CLMN: variants seen among roughly 807,000 people sequenced by gnomAD.
CLMN encodes the protein calmin.
Under a neutral mutation model 92.7 loss-of-function variants are expected in CLMN, and 57 were observed. The observed-to-expected ratio is 0.61, with a 90% CI of 0.50 to 0.77. The LOEUF is 0.77. Ranked by LOEUF, CLMN falls within the 30% of genes least tolerant of loss-of-function variation. The probability of loss-of-function intolerance (pLI) is 0.00; values close to 1 mark genes in which losing one functional copy is unlikely to be tolerated. For synonymous variants in CLMN, 466 were observed against 470.6 expected, an observed-to-expected ratio of 0.99 and a Z score of 0.13; for missense variants, 1,158 against 1,237.5, an observed-to-expected ratio of 0.94 and a Z score of 0.96.
chr14:95,313,650 A>C (rs1901639067), intron 1 of CLMN, among the ~76,000 whole-genome samples: 1 of 152,198 alleles, frequency 6.6e-6, no homozygotes, highest in African/African-American at 2.4e-5. Flanking sequence ...CAAAAAAAAA[A>C]AAAAGGCATG....
At chr14:95,202,625 C>T (rs1428782270) in intron 9 of CLMN, among the ~76,000 whole-genome samples, 3 of 152,196 alleles carry the variant, frequency 2.0e-5, no homozygotes, top group African/African-American at 4.8e-5. Context: ...GTGAGGTGCC[C>T]GTGTGCAGGA....
chr14:95,310,215 T>C (rs1313969441), intron 1 of CLMN, among the ~76,000 whole-genome samples: 2 of 152,204 alleles, frequency 1.3e-5, no homozygotes, highest in African/African-American at 4.8e-5. Context: ...ATGAGCCAAT[T>C]AAACTTCTTT....
Position 95,259,075 on chromosome 14 carries a change from A to G in CLMN, c.83-28942T>C, listed in dbSNP as rs1899146133. ...GAGAATGTGTTTGTATGTATGTGTG[A>G]TATGTGTTGTGTGTTTATGTGTGCT... On this transcript the variant is annotated intron_variant, in intron 1 of 12. Transcript: ENST00000298912. This position sits in a 1 kb window ranked among gnomAD's most constrained non-coding sequence, Gnocchi z 4.3. Among the ~76,000 whole-genome samples, 2 of 151,142 alleles carry G rather than the reference A, an allele frequency of 1.3e-5. No homozygotes were observed. Among genetic ancestry groups the G allele is most frequent in the South Asian group, 4.2e-4 (2 of 4,788 alleles).
intron 1 of CLMN, among the ~76,000 whole-genome samples, chr14:95,232,403 T>G (rs1337649678): frequency 6.6e-6 from 1 of 152,234 alleles, no homozygotes; most frequent in African/African-American, 2.4e-5. Context: ...GAGCAAAGCT[T>G]ATGGATTTCT....
In CLMN at chr14:95,245,238, T is replaced by A. The variant is rs1309448112; in HGVS notation, c.83-15105A>T. On this transcript the variant is annotated intron_variant, in intron 1 of 12. Coordinates refer to ENST00000298912, the MANE Select transcript of CLMN (RefSeq NM_024734.4). ...TATATATATATATTATATATATATA[T>A]TATATATATATATATAATATATATA... Among the ~76,000 whole-genome samples, 91 of 28,134 alleles carry A rather than the reference T, an allele frequency of 3.2e-3. 4 individuals carry two copies. Among genetic ancestry groups the A allele is most frequent in the African/African-American group, 0.018 (70 of 3,836 alleles). The allele number at this position is 28,134 out of a possible 152,430, so 18.5% of individuals were successfully genotyped here. A position where few individuals can be genotyped will look rare whatever the true frequency, so the allele number is the denominator to read the frequency against.
intron 1 of CLMN, among the ~76,000 whole-genome samples, chr14:95,250,041 G>A (rs1898722159): frequency 7.0e-6 from 1 of 142,836 alleles, no homozygotes; most frequent in Non-Finnish European, 1.5e-5. Context: ...CCTTTAATCT[G>A]CCTTCCCAAA....
At chr14:95,210,092 G>A (rs940088252) in intron 7 of CLMN, among the ~76,000 whole-genome samples, 6 of 151,590 alleles carry the variant, frequency 4.0e-5, no homozygotes, top group African/African-American at 7.3e-5. Context: ...TGGCTCTGTC[G>A]CCCAGGCTGG....
intron 9 of CLMN, among the ~76,000 whole-genome samples, chr14:95,197,719 G>A (rs1436506362): frequency 1.3e-5 from 2 of 152,224 alleles, no homozygotes; most frequent in Non-Finnish European, 2.9e-5. Flanking sequence ...AGGCTCCCGA[G>A]TGAAATGCAG....
chr14:95,191,519 G>T lies in CLMN; in HGVS notation c.*45C>A. ...ACCCAAAATAAAATGAAGTAACCCCGCCCCTGGTCAGGGTCCTGTCTTTTT... is the reference window on the plus strand; with the variant it reads ...ACCCAAAATAAAATGAAGTAACCCCTCCCCTGGTCAGGGTCCTGTCTTTTT... On this transcript the variant is annotated 3_prime_UTR_variant, in exon 13 of 13. Transcript: ENST00000298912. The surrounding 1 kb of genome is among the most constrained non-coding windows in gnomAD (Gnocchi z 5.3). The T allele has an allele frequency of 6.6e-7, 1 of 1,521,778 alleles. No individual in the cohort carries two copies. 94.3% of individuals were successfully genotyped at this position (1,521,778 alleles called of 1,614,324 possible).
At chr14:95,248,991 A>G (rs1168961683) in intron 1 of CLMN, among the ~76,000 whole-genome samples, 1 of 152,236 alleles carries the variant, frequency 6.6e-6, no homozygotes, top group East Asian at 1.9e-4. Context: ...TATATTTGAC[A>G]AGAAAATTTT....
At chr14:95,288,731 C>T (rs912007668) in intron 1 of CLMN, among the ~76,000 whole-genome samples, 6 of 152,154 alleles carry the variant, frequency 3.9e-5, no homozygotes, top group African/African-American at 4.8e-5. Context: ...AAGAAACAAG[C>T]GCTTGTGTCC....
intron 9 of CLMN, among the ~76,000 whole-genome samples, chr14:95,201,556 C>A (rs1443044744): frequency 6.8e-6 from 1 of 145,998 alleles, no homozygotes; most frequent in African/African-American, 2.6e-5. Context: ...CCTTTATTGG[C>A]TTTTTTTTCC....
chr14:95,193,304 G>T, intron 12 of CLMN: 1 of 1,513,316 alleles, frequency 6.6e-7, no homozygotes, highest in Non-Finnish European at 8.9e-7. Context: ...ACAGTTCTCC[G>T]ACAGCAAGAA....
intron 1 of CLMN, among the ~76,000 whole-genome samples, chr14:95,262,641 C>A (rs938174782): frequency 1.3e-5 from 2 of 152,170 alleles, no homozygotes; most frequent in African/African-American, 4.8e-5. Flanking sequence ...TCATGGCTCA[C>A]TGCAGCCTCA....
intron 1 of CLMN, among the ~76,000 whole-genome samples, chr14:95,262,387 AC>A (rs1899292315): frequency 1.3e-5 from 2 of 152,190 alleles, no homozygotes; most frequent in South Asian, 4.1e-4. Context: ...ATAATCTAGA[AC>A]AAGCAAAGAG....
rs183681444 is a variant in CLMN, at chr14:95,240,983, C to T, written c.83-10850G>A. Among the ~76,000 whole-genome samples, 47 of 152,074 alleles carry T rather than the reference C, an allele frequency of 3.1e-4. No individual in the cohort carries two copies. In the East Asian group the frequency reaches 6.8e-3, roughly 22 times the overall value. Reference sequence around the variant, plus strand: ...TTTCATGCCTGGATTGGCTCAAGTGCGGAAGAAAGGTGTGATCTGTTGTGT... The same window carrying T: ...TTTCATGCCTGGATTGGCTCAAGTGTGGAAGAAAGGTGTGATCTGTTGTGT... On this transcript the variant is annotated intron_variant, in intron 1 of 12. Transcript: ENST00000298912.
At chr14:95,316,022 C>T (rs1038964135) in intron 1 of CLMN, among the ~76,000 whole-genome samples, 4 of 152,154 alleles carry the variant, frequency 2.6e-5, no homozygotes, top group African/African-American at 9.7e-5. Context: ...AGTACAGTGA[C>T]CCCCAGAACT....
intron 1 of CLMN, among the ~76,000 whole-genome samples, chr14:95,285,216 T>C (rs1208864618): frequency 6.6e-6 from 1 of 152,220 alleles, no homozygotes; most frequent in African/African-American, 2.4e-5. Flanking sequence ...TGTGGAACTG[T>C]AAGTCCAATT....
chr14:95,226,327 G>C (rs1343348658), intron 2 of CLMN, among the ~76,000 whole-genome samples: 1 of 151,914 alleles, frequency 6.6e-6, no homozygotes, highest in Non-Finnish European at 1.5e-5. Context: ...ATCGTTCAGG[G>C]AGTAATGACA....
Sources: gnomAD v4.1 joint callset for allele counts (sites outside exome capture counted in the v4.1 genomes callset) on GRCh38, gnomAD v4.1.1 for gene constraint, Gnocchi (gnomAD v3.1) non-coding constraint, MANE v1.5 for transcripts, NCBI Gene and HGNC (gene_info 2026-07-23, HGNC 2026-07-21) for gene names.